The following LYRM4 variants were observed in gnomAD, a reference collection of about 807,000 sequenced individuals.
The protein encoded by LYRM4 is LYR motif-containing protein 4.
Under a neutral mutation model 11.7 loss-of-function variants are expected in LYRM4, and 9 were observed. The observed-to-expected ratio is 0.77, with a 90% CI of 0.46 to 1.34. The LOEUF (loss-of-function observed/expected upper bound fraction) is 1.34. LYRM4 is among the 40% of genes most tolerant of loss of function. LYRM4 has a pLI of 0.00. For missense variants in LYRM4, 133 were observed against 112.5 expected (o/e 1.18, Z -0.82); for synonymous variants, 42 against 40.4 (o/e 1.04, Z -0.15).
the LYRM4 span, chr6:5,088,802 G>A: frequency 2.0e-5 from 3 of 152,152 alleles, no homozygotes; most frequent in Admixed American, 6.5e-5. Flanking sequence ...GAATAAACAC[G>A]AAAATGTGAA....
intron 1 of LYRM4, among the ~76,000 whole-genome samples, chr6:5,230,282 T>C (rs1252153469): frequency 2.0e-5 from 3 of 152,222 alleles, no homozygotes; most frequent in Non-Finnish European, 4.4e-5. Context: ...CAAACTACTT[T>C]TGTCAGGGGA....
intron 2 of LYRM4, among the ~76,000 whole-genome samples, chr6:5,197,682 T>A (rs1761147109): frequency 2.6e-5 from 4 of 151,950 alleles, no homozygotes; most frequent in South Asian, 4.2e-4. Context: ...TCAAAAAAAA[T>A]AAATAAATAA....
At chr6:5,237,550 A>C (rs71557550) in intron 1 of LYRM4, among the ~76,000 whole-genome samples, 7,447 of 152,184 alleles carry the variant, frequency 0.049, 597 homozygotes, top group African/African-American at 0.16. Context: ...ACCATCCCCC[A>C]CAACCCCAGT....
chr6:5,086,455 G>GC, the LYRM4 span: 1 of 1,536,738 alleles, frequency 6.5e-7, no homozygotes, highest in Non-Finnish European at 8.7e-7. Context: ...GCGCGGCGTC[G>GC]CGGTCCACTT....
chr6:5,130,865 G>A (rs961297850), intron 2 of LYRM4, among the ~76,000 whole-genome samples: 6 of 151,990 alleles, frequency 3.9e-5, no homozygotes, highest in African/African-American at 1.5e-4. Context: ...ACTGACAAAA[G>A]AGAGATAAAC....
At chr6:5,032,635 T>G in the LYRM4 span, 1 of 152,188 alleles carries the variant, frequency 6.6e-6, no homozygotes, top group Non-Finnish European at 1.5e-5. Flanking sequence ...ATAGGAAGAA[T>G]TTTGAATTGA....
At position 5,186,637 on chromosome 6, in the gene LYRM4, T is replaced by C; in HGVS notation, c.207+29981A>G. 6.1e-6 allele frequency: 6 copies of C among 983,940 alleles called. No homozygotes were observed. In the South Asian group the frequency reaches 2.8e-4, roughly 46 times the overall value. The allele number at this position is 983,940 out of a possible 1,614,324, so 61.0% of individuals were successfully genotyped here. A position where few individuals can be genotyped will look rare whatever the true frequency, so the allele number is the denominator to read the frequency against. On this transcript the variant is annotated intron_variant, in intron 2 of 2. Coordinates refer to ENST00000330636, the MANE Select transcript of LYRM4 (RefSeq NM_020408.6). ...AATTTTTATTGTCTTGGAGTGGGAA[T>C]TCAGCATGACACAAAATTCAAAGAC...
chr6:5,134,627 G>A (rs1764103667), intron 2 of LYRM4, among the ~76,000 whole-genome samples: 1 of 152,184 alleles, frequency 6.6e-6, no homozygotes. Flanking sequence ...AACAATACGG[G>A]AGAGCATGGG....
At chr6:5,168,710 AT>A (rs538884789) in intron 2 of LYRM4, among the ~76,000 whole-genome samples, 198 of 152,142 alleles carry the variant, frequency 1.3e-3, no homozygotes, top group African/African-American at 4.7e-3. Flanking sequence ...ATTGGATTGT[AT>A]TTTCCGGCAA....
At chr6:5,190,934 G>T (rs1760715662) in intron 2 of LYRM4, among the ~76,000 whole-genome samples, 1 of 152,052 alleles carries the variant, frequency 6.6e-6, no homozygotes, top group South Asian at 2.1e-4. Context: ...CTGGGGAAAG[G>T]GTGAAAAGTT....
chr6:5,244,058 C>T (rs902960028), intron 1 of LYRM4, among the ~76,000 whole-genome samples: 5 of 152,206 alleles, frequency 3.3e-5, no homozygotes, highest in Admixed American at 6.5e-5. Context: ...CCCAGACATG[C>T]GATGGTTTGA....
intron 2 of LYRM4, among the ~76,000 whole-genome samples, chr6:5,209,694 A>G (rs1761891786): frequency 6.6e-6 from 1 of 152,154 alleles, no homozygotes; most frequent in Non-Finnish European, 1.5e-5. Flanking sequence ...ACGGCATAGA[A>G]TGGGTGCTCA....
chr6:5,258,636 T>G (rs1343697176), intron 1 of LYRM4, among the ~76,000 whole-genome samples: 1 of 152,192 alleles, frequency 6.6e-6, no homozygotes, highest in Non-Finnish European at 1.5e-5. Context: ...TAAGTTTATC[T>G]AGGGAGGTAA....
At chr6:5,257,428 G>A (rs1350756372) in intron 1 of LYRM4, among the ~76,000 whole-genome samples, 1 of 152,084 alleles carries the variant, frequency 6.6e-6, no homozygotes, top group Non-Finnish European at 1.5e-5. Context: ...AACTATCTCT[G>A]TACCTGTGTC....
At chr6:5,218,434 A>G (rs1446297192) in intron 1 of LYRM4, 1 of 957,966 alleles carries the variant, frequency 1.0e-6, no homozygotes, top group African/African-American at 1.8e-5. Flanking sequence ...TGTTTCAGAT[A>G]AAGTTTTTTA....
chr6:5,153,810 G>C (rs1007152162), intron 2 of LYRM4, among the ~76,000 whole-genome samples: 1 of 152,210 alleles, frequency 6.6e-6, no homozygotes, highest in African/African-American at 2.4e-5. Context: ...GACCATATAT[G>C]CTGTGAATAC....
intron 1 of LYRM4, among the ~76,000 whole-genome samples, chr6:5,241,255 ATAC>A (rs1328385892): frequency 1.3e-5 from 2 of 152,232 alleles, no homozygotes; most frequent in South Asian, 4.1e-4. Context: ...TAGTGACTCT[ATAC>A]TAAATAAAAC....
At chr6:5,171,587 G>T (rs1171422623) in intron 2 of LYRM4, among the ~76,000 whole-genome samples, 1 of 152,182 alleles carries the variant, frequency 6.6e-6, no homozygotes, top group African/African-American at 2.4e-5. Context: ...ATAAATCAGG[G>T]AGTTTAAATT....
At position 5,245,161 on chromosome 6, in the gene LYRM4, T is replaced by TAA. The variant is rs1561899267; in HGVS notation, c.86+15486_86+15487insTT. ...ATATATATATATATATATATATATATATAAAATAGGTGAATTTCTGGAACA... is the reference window on the plus strand; with the variant it reads ...ATATATATATATATATATATATATATAAATAAAATAGGTGAATTTCTGGAACA... On this transcript the variant is annotated intron_variant, in intron 1 of 2. Coordinates refer to ENST00000330636, the MANE Select transcript of LYRM4 (RefSeq NM_020408.6). Among the ~76,000 whole-genome samples the TAA allele has an allele frequency of 1.2e-3, 89 of 72,452 alleles. 1 individual carries two copies. Among genetic ancestry groups the TAA allele is most frequent in the African/African-American group, 4.4e-3 (82 of 18,784 alleles). 47.5% of individuals were successfully genotyped at this position (72,452 alleles called of 152,430 possible).
Sources: allele counts gnomAD v4.1 joint callset (sites outside exome capture counted in the v4.1 genomes callset), GRCh38; gene constraint gnomAD v4.1.1; transcripts MANE v1.5; gene names NCBI Gene and HGNC (gene_info 2026-07-23, HGNC 2026-07-21).